Variants in DCHS2 observed in about 807,000 individuals in gnomAD.
The protein encoded by DCHS2 is dachsous cadherin-related 2.
Under a neutral mutation model 182.4 loss-of-function variants are expected in DCHS2, and 142 were observed. The ratio of observed to expected loss-of-function variants is 0.78; its 90% CI spans 0.68 to 0.89. The LOEUF (loss-of-function observed/expected upper bound fraction) is 0.89. DCHS2 is among the 40% of genes least tolerant of loss of function. The pLI is 0.00. For synonymous variants in DCHS2, 1,740 were observed against 1,663.3 expected (o/e 1.05, Z -1.12); for missense variants, 4,319 against 4,198.6 (o/e 1.03, Z -0.79).
At chr4:154,386,974 G>A (rs1052284559) in intron 1 of DCHS2, among the ~76,000 whole-genome samples, 5 of 151,978 alleles carry the variant, frequency 3.3e-5, no homozygotes, top group African/African-American at 1.2e-4. Flanking sequence ...AATCAGCTAG[G>A]CAAAAAGAAA....
At chr4:154,407,846 C>T (rs965768347) in intron 1 of DCHS2, among the ~76,000 whole-genome samples, 1 of 152,136 alleles carries the variant, frequency 6.6e-6, no homozygotes, top group Admixed American at 6.5e-5. Context: ...GAGCAAAAGC[C>T]CTGCATAAAG....
chr4:154,294,536 T>C lies in DCHS2; in HGVS notation c.6463+3315A>G, dbSNP rs60383623. 4.8e-3 allele frequency among the ~76,000 whole-genome samples: 728 copies of C among 152,334 alleles called. 5 individuals are homozygous for C. Among genetic ancestry groups the C allele is most frequent in the African/African-American group, 0.016 (686 of 41,576 alleles). On this transcript the variant is annotated intron_variant, in intron 13 of 19. Transcript: ENST00000357232. ...TGTACTCCTGCTATAATAATCCTAATGCTATCCGCAGCAAATGGATGTGTT... is the reference window on the plus strand; with the variant it reads ...TGTACTCCTGCTATAATAATCCTAACGCTATCCGCAGCAAATGGATGTGTT...
chr4:154,423,961 G>A (rs370437906), intron 1 of DCHS2, among the ~76,000 whole-genome samples: 2 of 152,032 alleles, frequency 1.3e-5, no homozygotes, highest in African/African-American at 4.8e-5. Flanking sequence ...AAAATATCGT[G>A]GTTTATCTTC....
intron 2 of DCHS2, among the ~76,000 whole-genome samples, chr4:154,373,024 G>A (rs965235239): frequency 5.3e-5 from 8 of 152,102 alleles, no homozygotes; most frequent in South Asian, 2.1e-4. Context: ...CAAAGAGAAG[G>A]AATCAGAGGA....
At chr4:154,419,850 G>A (rs1195334804) in intron 1 of DCHS2, among the ~76,000 whole-genome samples, 3 of 147,116 alleles carry the variant, frequency 2.0e-5, no homozygotes, top group African/African-American at 5.0e-5. Flanking sequence ...AGAGAAGAAC[G>A]TATGAGTGGA....
At chr4:154,441,933 G>C (rs564346637) in intron 1 of DCHS2, among the ~76,000 whole-genome samples, 1 of 152,244 alleles carries the variant, frequency 6.6e-6, no homozygotes, top group South Asian at 2.1e-4. Flanking sequence ...TCACTGGGAA[G>C]AACTGAGCTT....
intron 12 of DCHS2, among the ~76,000 whole-genome samples, chr4:154,302,936 TACAC>T (rs1235507702): frequency 2.8e-5 from 1 of 35,424 alleles, no homozygotes; most frequent in African/African-American, 9.7e-5. Flanking sequence ...GATATACGTA[TACAC>T]ACACACACAC....
intron 1 of DCHS2, among the ~76,000 whole-genome samples, chr4:154,468,957 T>C (rs1469628440): frequency 6.6e-6 from 1 of 152,134 alleles, no homozygotes; most frequent in East Asian, 1.9e-4. Context: ...CTATGTAAAG[T>C]GATGAATATG....
Position 154,321,115 on chromosome 4 carries a change from A to C in DCHS2, c.4284T>G (p.Ser1428=). 1 of 1,605,594 alleles carries C rather than the reference A, an allele frequency of 6.2e-7. No individual in the cohort carries two copies. The highest frequency in any genetic ancestry group is 8.5e-7 in the Non-Finnish European group (1 of 1,173,592). ...CATTATAATGTTGTTGAAGGTGATC[A>C]GATGACTTTATCAAGCTCATTATTT... ...PTKIMSLIKS[S]DHLQQHYNGK... Residue 1428 remains serine, a synonymous_variant, in exon 9 of 20, where the codon TCT becomes TCG. Transcript: ENST00000357232.
intron 1 of DCHS2, among the ~76,000 whole-genome samples, chr4:154,431,938 T>C (rs950018590): frequency 1.3e-5 from 2 of 152,242 alleles, no homozygotes; most frequent in African/African-American, 2.4e-5. Context: ...AGGTGTTCAT[T>C]TGAAGCCTGG....
At chr4:154,239,116 T>C in intron 19 of DCHS2, 54 bp downstream of exon 19, 4 of 1,571,564 alleles carry the variant, frequency 2.5e-6, no homozygotes, top group South Asian at 2.3e-5. Context: ...TTATTTCAGG[T>C]TTCTACTTTG....
At chr4:154,323,237 T>C in intron 7 of DCHS2, 1 of 1,531,164 alleles carries the variant, frequency 6.5e-7, no homozygotes, top group African/African-American at 1.4e-5. Context: ...ACTGACCAGA[T>C]TCAGGTCAGG....
intron 1 of DCHS2, among the ~76,000 whole-genome samples, chr4:154,434,652 C>G (rs9998926): frequency 0.51 from 77,496 of 151,764 alleles, 20,928 homozygotes; most frequent in Middle Eastern, 0.67. Flanking sequence ...TCTGTGTACT[C>G]TTATGAAGAT....
At chr4:154,265,215 CA>C (rs1733184400) in intron 14 of DCHS2, among the ~76,000 whole-genome samples, 1 of 152,002 alleles carries the variant, frequency 6.6e-6, no homozygotes, top group African/African-American at 2.4e-5. Context: ...TCAGGAAAAG[CA>C]TTTTTTTTCA....
At chr4:154,328,475 A>C (rs1194736754) in intron 6 of DCHS2, among the ~76,000 whole-genome samples, 1 of 152,184 alleles carries the variant, frequency 6.6e-6, no homozygotes, top group Non-Finnish European at 1.5e-5. Context: ...ACAATCTTAG[A>C]TTTTTGGTGT....
intron 13 of DCHS2, among the ~76,000 whole-genome samples, chr4:154,274,032 G>T (rs4235241): frequency 0.48 from 73,315 of 151,880 alleles, 19,067 homozygotes; most frequent in Non-Finnish European, 0.58. Context: ...ACAGAGCAGG[G>T]CTCATCATCC....
intron 6 of DCHS2, among the ~76,000 whole-genome samples, chr4:154,328,583 C>A (rs1736388843): frequency 6.6e-6 from 1 of 152,090 alleles, no homozygotes; most frequent in South Asian, 2.1e-4. Context: ...TAAGTATGAA[C>A]CTTTAATTCA....
At chr4:154,263,779 T>C (rs937970500) in intron 14 of DCHS2, among the ~76,000 whole-genome samples, 5 of 151,674 alleles carry the variant, frequency 3.3e-5, no homozygotes, top group African/African-American at 1.2e-4. Flanking sequence ...TGTGTAGATA[T>C]TAAAGAACAA....
chr4:154,338,152 T>C (rs1728902474), intron 3 of DCHS2, among the ~76,000 whole-genome samples: 1 of 152,254 alleles, frequency 6.6e-6, no homozygotes, highest in Admixed American at 6.5e-5. Context: ...TGGGTACATG[T>C]GCCTATTATG....
Sources: allele counts gnomAD v4.1 joint callset (sites outside exome capture counted in the v4.1 genomes callset), GRCh38; gene constraint gnomAD v4.1.1; transcripts MANE v1.5; gene names NCBI Gene and HGNC (gene_info 2026-07-23, HGNC 2026-07-21).